The following NRBP1 variants were observed in gnomAD, a reference collection of about 807,000 sequenced individuals.
NRBP1 encodes the protein nuclear receptor binding protein 1, also known as nuclear receptor-binding protein.
Under a neutral mutation model 76.0 loss-of-function variants are expected in NRBP1, and 10 were observed. The observed-to-expected ratio is 0.13, with a 90% CI of 0.08 to 0.22. The LOEUF is 0.22. NRBP1 is among the 10% of genes least tolerant of loss of function. NRBP1 has a pLI of 1.00. For synonymous variants in NRBP1, 235 were observed against 240.2 expected, an observed-to-expected ratio of 0.98 and a Z score of 0.20; for missense variants, 344 against 646.0, an observed-to-expected ratio of 0.53 and a Z score of 5.07.
At position 27,428,727 on chromosome 2, in the gene NRBP1, G is replaced by C. The variant is rs1425855892; in HGVS notation, c.-25G>C. The C allele has an allele frequency of 5.0e-6, 2 of 398,180 alleles. No homozygotes were observed. Among genetic ancestry groups the C allele is most frequent in the African/African-American group, 4.1e-5 (2 of 48,606 alleles). 24.7% of individuals were successfully genotyped at this position (398,180 alleles called of 1,614,324 possible). Reference sequence around the variant, plus strand: ...AGCGCAGGCTGCGGGGCGCGGAGTCGGGAGGTGAGCGCCCAGGGAAAAGAG... The same window carrying C: ...AGCGCAGGCTGCGGGGCGCGGAGTCCGGAGGTGAGCGCCCAGGGAAAAGAG... On this transcript the variant is annotated 5_prime_UTR_variant, in exon 1 of 18. Coordinates refer to ENST00000379852, the MANE Select transcript of NRBP1 (RefSeq NM_013392.4).
intron 1 of NRBP1, chr2:27,431,852 A>AT (rs1390428253): frequency 2.0e-5 from 3 of 152,036 alleles, no homozygotes; most frequent in African/African-American, 7.2e-5. Context: ...CATAGTTTAT[A>AT]TTTTTTTATT....
chr2:27,441,354 G>GC (rs1369688227), intron 16 of NRBP1, 24 bp downstream of exon 16: 1 of 1,610,298 alleles, frequency 6.2e-7, no homozygotes, highest in African/African-American at 1.3e-5. Flanking sequence ...TTCCCTCAGA[G>GC]GATGGAGAGT....
Position 27,436,792 on chromosome 2 carries a change from G to T in NRBP1, c.701G>T (p.Arg234Leu). The change falls in exon 8 of 18, where the codon CGA (arginine) becomes CTA (leucine). Residue 234 changes from arginine (R) to leucine (L), a missense_variant. Transcript: ENST00000379852. ...ATCAACAATCATGTGAAGACTTGTC[G>T]AGAAGAGCAGAAGAATCTACACTTC... is the stretch of plus-strand genomic sequence containing the variant. The part of the protein sequence containing the change: ...DTINNHVKTC[R>L]EEQKNLHFFA... The T allele has an allele frequency of 6.2e-7, 1 of 1,613,682 alleles. No individual in the cohort carries two copies. The highest frequency in any genetic ancestry group is 1.1e-5 in the South Asian group (1 of 91,040).
rs1423116073 is a variant in NRBP1 at position 27,440,946 on chromosome 2, G to A, written c.1329+6G>A. The A allele has an allele frequency of 6.2e-7, 1 of 1,613,022 alleles. No homozygotes were observed. Among genetic ancestry groups the A allele is most frequent in the African/African-American group, 1.3e-5 (1 of 75,016 alleles). ...CTGAGGTGGAGACTCGCAAGGTGGG[G>A]GCTGTGTGGGTGTGGATTGTCTCCA... is the stretch of plus-strand genomic sequence containing the variant. On this transcript the variant is annotated splice_donor_region_variant and intron_variant, in intron 14 of 17. Transcript: ENST00000379852.
chr2:27,433,256 C>G lies in NRBP1; in HGVS notation c.-18C>G, dbSNP rs755435268. 1.2e-6 allele frequency: 2 copies of G among 1,608,232 alleles called. No individual in the cohort carries two copies. Among genetic ancestry groups the G allele is most frequent in the African/African-American group, 2.7e-5 (2 of 74,806 alleles). On this transcript the variant is annotated splice_region_variant and 5_prime_UTR_variant, in exon 2 of 18. Coordinates refer to ENST00000379852, the MANE Select transcript of NRBP1 (RefSeq NM_013392.4). ...TGTATTTGCCCCAACCAGTGCAGGC[C>G]TGAGTGTTCCTTCCAGCATGTCGGA...
chr2:27,438,080 G>A (rs1195687622), intron 10 of NRBP1, among the ~76,000 whole-genome samples: 2 of 150,674 alleles, frequency 1.3e-5, no homozygotes, highest in East Asian at 2.0e-4. Context: ...TCACCTACTC[G>A]GGAGGCTGAG....
At chr2:27,434,220 G>A (rs1466387359) in intron 4 of NRBP1, 130 bp downstream of exon 4, 5 of 800,964 alleles carry the variant, frequency 6.2e-6, no homozygotes, top group East Asian at 2.5e-5. Flanking sequence ...CTGCAATGGC[G>A]ATAAGAGTAG....
rs189808118 is a variant in NRBP1, at chr2:27,431,754, G to A, written c.-20-1500G>A. 5.9e-3 allele frequency: 907 copies of A among 152,458 alleles called. 7 individuals are homozygous for A. Among genetic ancestry groups the A allele is most frequent in the Non-Finnish European group, 9.5e-3 (650 of 68,132 alleles). 9.4% of individuals were successfully genotyped at this position (152,458 alleles called of 1,614,324 possible). Reference sequence around the variant, plus strand: ...TTAGCCAAGGGTTTCAGCTGGATAAGTTGGCTGAGGGTGCTACAGGTCTAG... The same window carrying A: ...TTAGCCAAGGGTTTCAGCTGGATAAATTGGCTGAGGGTGCTACAGGTCTAG... On this transcript the variant is annotated intron_variant, in intron 1 of 17. Coordinates refer to ENST00000379852, the MANE Select transcript of NRBP1 (RefSeq NM_013392.4).
chr2:27,436,227 T>TA (rs760546409), intron 7 of NRBP1: 8 of 215,484 alleles, frequency 3.7e-5, no homozygotes, highest in Non-Finnish European at 7.5e-5. Flanking sequence ...TCAGCAAAGG[T>TA]GGGTAAGAAG....
intron 10 of NRBP1, among the ~76,000 whole-genome samples, chr2:27,438,323 T>A (rs1664394722): frequency 6.6e-6 from 1 of 152,220 alleles, no homozygotes; most frequent in African/African-American, 2.4e-5. Flanking sequence ...AAACCAGTTG[T>A]TTGGGATTTT....
intron 4 of NRBP1, 114 bp downstream of exon 4, chr2:27,434,204 A>T (rs1664219514): frequency 1.1e-6 from 1 of 870,164 alleles, no homozygotes; most frequent in African/African-American, 1.7e-5. Context: ...ACAGAACTGG[A>T]ATCAGCTGCA....
intron 11 of NRBP1, 134 bp from the exon 12 acceptor site, chr2:27,440,269 A>C (rs1572695386): frequency 1.5e-6 from 1 of 687,450 alleles, no homozygotes; most frequent in Non-Finnish European, 2.6e-6. Flanking sequence ...TCGGCTTCCC[A>C]AAGTGCTGGG....
chr2:27,440,595 G>T, intron 12 of NRBP1, 57 bp from the exon 13 acceptor site: 1 of 1,610,336 alleles, frequency 6.2e-7, no homozygotes, highest in South Asian at 1.1e-5. Flanking sequence ...GGGAATGCTT[G>T]AATTTGCTAT....
chr2:27,433,059 A>T (rs1436799264), intron 1 of NRBP1, among the ~76,000 whole-genome samples, 195 bp from the exon 2 acceptor site: 1 of 151,926 alleles, frequency 6.6e-6, no homozygotes, highest in African/African-American at 2.4e-5. Flanking sequence ...TTGTATTTTT[A>T]GTAGAGATGG....
chr2:27,437,099 A>G lies in NRBP1; in HGVS notation c.798A>G (p.Ala266=). The change falls in exon 9 of 18, where the codon GCA becomes GCG. Residue 266 remains alanine (A), a synonymous_variant. Coordinates refer to ENST00000379852, the MANE Select transcript of NRBP1 (RefSeq NM_013392.4). ...AVDIYSFGMC[A]LEMAVLEIQG... ...ACATCTACTCCTTTGGCATGTGTGCACTGGAGGTGAGGGGACTGGAGGGGA... is the reference window on the plus strand; with the variant it reads ...ACATCTACTCCTTTGGCATGTGTGCGCTGGAGGTGAGGGGACTGGAGGGGA... 1 of 1,613,578 alleles carries G rather than the reference A, an allele frequency of 6.2e-7. No individual in the cohort carries two copies. Among genetic ancestry groups the G allele is most frequent in the Non-Finnish European group, 8.5e-7 (1 of 1,179,696 alleles).
intron 12 of NRBP1, 57 bp from the exon 13 acceptor site, chr2:27,440,595 G>A (rs1226709656): frequency 3.1e-6 from 5 of 1,610,222 alleles, no homozygotes; most frequent in African/African-American, 2.7e-5. Context: ...GGGAATGCTT[G>A]AATTTGCTAT....
At position 27,433,283 on chromosome 2, in the gene NRBP1, G is replaced by T; in HGVS notation, c.10G>T (p.Gly4Trp). The T allele has an allele frequency of 6.2e-7, 1 of 1,613,732 alleles. No homozygotes were observed. The highest frequency in any genetic ancestry group is 8.5e-7 in the Non-Finnish European group (1 of 1,179,936). Residue 4 changes from glycine (G) to tryptophan (W), a missense_variant, in exon 2 of 18, where the codon GGG becomes TGG. Physicochemically the swap from Gly to Trp is radical, Grantham distance 184. Around this residue, in one of 3 missense-constraint regions of NRBP1, gnomAD observed 53 missense variants for 48.4 expected, o/e 1.09. Transcript: ENST00000379852. ...GAGTGTTCCTTCCAGCATGTCGGAG[G>T]GGGAGTCCCAGACAGTACTTAGCAG... Reference protein sequence around the residue: MSEGESQTVLSSGS... With the variant: MSEWESQTVLSSGS...
intron 8 of NRBP1, 88 bp from the exon 9 acceptor site, chr2:27,436,959 T>C (rs1186557163): frequency 6.8e-7 from 1 of 1,475,334 alleles, no homozygotes; most frequent in Non-Finnish European, 9.3e-7. Context: ...AAAATATTTT[T>C]CTTTTCTTTT....
chr2:27,436,141 C>G, intron 7 of NRBP1: 1 of 306,484 alleles, frequency 3.3e-6, no homozygotes, highest in South Asian at 4.6e-5. Context: ...GAACAGGAGT[C>G]TAAAATGTTT....
Sources: gnomAD v4.1 joint callset for allele counts (sites outside exome capture counted in the v4.1 genomes callset) on GRCh38, gnomAD v4.1.1 for gene constraint, gnomAD v4.1.1 regional missense constraint, MANE v1.5 for transcripts, NCBI Gene and HGNC (gene_info 2026-07-23, HGNC 2026-07-21) for gene names.